Variants in CDYL2 observed in about 807,000 individuals in gnomAD.
The protein encoded by CDYL2 is chromodomain Y-like protein 2.
A neutral mutation model predicts 49.4 loss-of-function variants in CDYL2; 23 were observed. The ratio of observed to expected loss-of-function variants is 0.47; its 90% CI spans 0.34 to 0.66. The LOEUF (loss-of-function observed/expected upper bound fraction) is 0.66. Among genes scored for constraint, CDYL2 ranks in the 30% least tolerant of loss-of-function variants. CDYL2 has a pLI of 0.01. For missense variants in CDYL2, 678 were observed against 656.4 expected (o/e 1.03, Z -0.36); for synonymous variants, 360 against 268.8 (o/e 1.34, Z -3.32).
intron 2 of CDYL2, among the ~76,000 whole-genome samples, chr16:80,670,289 C>T (rs1909445710): frequency 6.6e-6 from 1 of 151,728 alleles, no homozygotes; most frequent in African/African-American, 2.4e-5. Context: ...GACTGGATCA[C>T]GGGGGGCGGT....
intron 1 of CDYL2, among the ~76,000 whole-genome samples, chr16:80,696,390 G>T (rs1910614207): frequency 1.3e-5 from 2 of 151,526 alleles, no homozygotes; most frequent in African/African-American, 4.8e-5. Context: ...TAAAGATGAG[G>T]GCAGAAATAG....
intron 2 of CDYL2, chr16:80,639,755 C>G: frequency 2.2e-6 from 1 of 455,928 alleles, no homozygotes. Context: ...CACCTCTCTC[C>G]CCTCCCCCTG....
At chr16:80,700,564 G>A (rs556314733) in intron 1 of CDYL2, among the ~76,000 whole-genome samples, 53 of 152,046 alleles carry the variant, frequency 3.5e-4, no homozygotes, top group Non-Finnish European at 6.9e-4. Context: ...TTAGAAAGAG[G>A]GTTAAGCTCA....
intron 1 of CDYL2, among the ~76,000 whole-genome samples, chr16:80,727,057 G>C (rs1167651395): frequency 6.6e-6 from 1 of 152,238 alleles, no homozygotes; most frequent in East Asian, 1.9e-4. Context: ...GGGCAAGAGA[G>C]CAAGACAATC....
intron 1 of CDYL2, among the ~76,000 whole-genome samples, chr16:80,747,493 C>G (rs1349687550): frequency 1.3e-5 from 2 of 152,194 alleles, no homozygotes; most frequent in Non-Finnish European, 2.9e-5. Flanking sequence ...GACACAAGGC[C>G]TGGGCCTATT....
intron 1 of CDYL2, among the ~76,000 whole-genome samples, chr16:80,759,112 A>ATATATATATATG (rs1446246256): frequency 1.8e-5 from 2 of 112,664 alleles, no homozygotes; most frequent in African/African-American, 9.5e-5. Flanking sequence ...CTATATATAT[A>ATATATATATATG]TATATATATA....
At chr16:80,680,477 C>T (rs1286249266) in intron 2 of CDYL2, among the ~76,000 whole-genome samples, 1 of 152,116 alleles carries the variant, frequency 6.6e-6, no homozygotes, top group Non-Finnish European at 1.5e-5. Flanking sequence ...AGTAAAGGCT[C>T]GTGTGAATCC....
chr16:80,696,285 T>A lies in CDYL2; in HGVS notation c.25-11156A>T, dbSNP rs77698627. 8.4e-3 allele frequency among the ~76,000 whole-genome samples: 1,280 copies of A among 151,662 alleles called. 22 individuals carry two copies. The highest frequency in any genetic ancestry group is 0.03 in the African/African-American group (1,222 of 41,316). On this transcript the variant is annotated intron_variant, in intron 1 of 6. Transcript: ENST00000570137. ...AAGGTAATAGCAATGAACATCTACA[T>A]CAAAAAAGCAGAAAGATTTCAAATG...
intron 1 of CDYL2, among the ~76,000 whole-genome samples, chr16:80,686,748 G>T (rs1204300344): frequency 6.6e-6 from 1 of 152,170 alleles, no homozygotes; most frequent in African/African-American, 2.4e-5. Context: ...CACTTTCTTT[G>T]CCTTGCACTT....
At chr16:80,670,929 C>T in intron 2 of CDYL2, 1 of 456,010 alleles carries the variant, frequency 2.2e-6, no homozygotes. Context: ...CTTGCCTCAC[C>T]AGCTGTTCTT....
At chr16:80,632,712 C>A in intron 3 of CDYL2, 1 of 338,920 alleles carries the variant, frequency 3.0e-6, no homozygotes, top group Non-Finnish European at 5.5e-6. Flanking sequence ...GCTGGAAAAG[C>A]CCAAGATGTG....
At position 80,712,183 on chromosome 16, in the gene CDYL2, CTGTGTG is replaced by C. The variant is rs1242735654; in HGVS notation, c.25-27060_25-27055del. 1.1e-4 allele frequency among the ~76,000 whole-genome samples: 3 copies of C among 27,612 alleles called. No homozygotes were observed. In the East Asian group the frequency reaches 3.5e-3, roughly 33 times the overall value. 18.1% of individuals were successfully genotyped at this position (27,612 alleles called of 152,430 possible). A position where few individuals can be genotyped will look rare whatever the true frequency, so the allele number is the denominator to read the frequency against. ...TGTGTATATATATGTGTCTTTGTGT[CTGTGTG>C]TGTATATATATATATATATATATAT... On this transcript the variant is annotated intron_variant, in intron 1 of 6. Transcript: ENST00000570137.
chr16:80,668,782 T>C (rs1330335481), intron 2 of CDYL2, among the ~76,000 whole-genome samples: 1 of 151,834 alleles, frequency 6.6e-6, no homozygotes, highest in African/African-American at 2.4e-5. Context: ...ACCTGTAATC[T>C]CAGCTACTCA....
intron 1 of CDYL2, among the ~76,000 whole-genome samples, chr16:80,725,688 C>T (rs1233905922): frequency 3.3e-5 from 5 of 152,178 alleles, no homozygotes; most frequent in Admixed American, 2.6e-4. Flanking sequence ...CCTGAGAAAC[C>T]CTAACCCGGA....
chr16:80,767,405 A>G (rs538192968), intron 1 of CDYL2, among the ~76,000 whole-genome samples: 26 of 152,154 alleles, frequency 1.7e-4, no homozygotes, highest in Non-Finnish European at 3.7e-4. Flanking sequence ...TATTACTTTT[A>G]ATAGGTATTT....
In CDYL2 at chr16:80,758,821, C is replaced by T. The variant is rs56902796; in HGVS notation, c.24+45329G>A. 8.6e-5 allele frequency among the ~76,000 whole-genome samples: 13 copies of T among 151,474 alleles called. No individual in the cohort carries two copies. In the East Asian group the frequency reaches 1.8e-3, roughly 21 times the overall value. On this transcript the variant is annotated intron_variant, in intron 1 of 6. Transcript: ENST00000570137. ...CCTCCCAAAGTGCCGGGATTACAGG[C>T]GTGAGCCACCACGCCCGGCCTGCTG...
intron 1 of CDYL2, among the ~76,000 whole-genome samples, chr16:80,754,123 ACAATCCTACTTTGCAACGTGTGCC>A (rs1371570435): frequency 1.3e-5 from 2 of 152,176 alleles, no homozygotes; most frequent in Non-Finnish European, 2.9e-5. Context: ...CAAGCTCAAC[ACAATCCTACTTTGCAACGTGTGCC>A]CAAGAGCCGC....
intron 1 of CDYL2, among the ~76,000 whole-genome samples, chr16:80,748,795 G>A (rs929666413): frequency 6.6e-6 from 1 of 151,964 alleles, no homozygotes. Flanking sequence ...TCCTTGAGCT[G>A]CCCTTGTCTC....
intron 3 of CDYL2, among the ~76,000 whole-genome samples, chr16:80,632,152 G>A (rs1907592049): frequency 6.6e-6 from 1 of 152,024 alleles, no homozygotes; most frequent in Admixed American, 6.6e-5. Flanking sequence ...AAAATCAAAA[G>A]TAGAAACAAG....
Sources: gnomAD v4.1 joint callset for allele counts (sites outside exome capture counted in the v4.1 genomes callset) on GRCh38, gnomAD v4.1.1 for gene constraint, MANE v1.5 for transcripts, NCBI Gene and HGNC (gene_info 2026-07-23, HGNC 2026-07-21) for gene names.